The following POLR1A variants were observed in gnomAD, a reference collection of about 807,000 sequenced individuals.
The protein encoded by POLR1A is DNA-directed RNA polymerase I subunit RPA1.
In POLR1A, 84 loss-of-function variants were observed where a neutral mutation model predicts 205.3. The observed-to-expected ratio is 0.41, with a 90% CI of 0.34 to 0.49. POLR1A has a LOEUF of 0.49. Ranked by LOEUF, POLR1A falls within the 20% of genes least tolerant of loss-of-function variation. POLR1A has a pLI of 0.22. For synonymous variants in POLR1A, 799 were observed against 863.7 expected (o/e 0.93, Z 1.31); for missense variants, 1,645 against 2,204.5 (o/e 0.75, Z 5.08).
intron 21 of POLR1A, 68 bp from the exon 22 acceptor site, chr2:86,044,372 T>C (rs774503525): frequency 6.4e-6 from 10 of 1,557,262 alleles, no homozygotes; most frequent in African/African-American, 5.4e-5. Context: ...CTGATGAGGG[T>C]TGGGGGCAGT....
rs373695623 is a variant in POLR1A, at chr2:86,103,602, C to T, written c.77+2098G>A. On this transcript the variant is annotated intron_variant, in intron 1 of 33. Transcript: ENST00000263857. Reference sequence around the variant, plus strand: ...TGGATGAAATCGTATCCACTTATGGCAGTGATGATATAATTGGAATTTCTG... The same window carrying T: ...TGGATGAAATCGTATCCACTTATGGTAGTGATGATATAATTGGAATTTCTG... Among the ~76,000 whole-genome samples, 19 of 152,300 alleles carry T rather than the reference C, an allele frequency of 1.2e-4. No homozygotes were observed. The South Asian group carries it at 3.5e-3, about 28-fold the overall frequency.
chr2:86,061,382 G>T (rs1429637259), intron 14 of POLR1A, among the ~76,000 whole-genome samples: 2 of 152,220 alleles, frequency 1.3e-5, no homozygotes, highest in African/African-American at 4.8e-5. Context: ...GGGAGGCAGA[G>T]GTTGCAGTGA....
chr2:86,089,863 C>T lies in POLR1A; in HGVS notation c.499G>A (p.Glu167Lys). The T allele has an allele frequency of 6.2e-7, 1 of 1,613,072 alleles. No individual in the cohort carries two copies. The highest frequency in any genetic ancestry group is 8.5e-7 in the Non-Finnish European group (1 of 1,178,986). ...CCCAGGAGGTTGTTCTGCACAATTT[C>T]AGTTGTGTATTGTTCTAATTCCTCC... Reference protein sequence around the residue: ...IREELEQYTTEIVQNNLLGSQ... With the variant: ...IREELEQYTTKIVQNNLLGSQ... Residue 167 changes from glutamate to lysine, a missense_variant, in exon 4 of 34, where the codon GAA (glutamate) becomes AAA (lysine). Glu to Lys is a moderately conservative substitution (Grantham distance 56). Around this residue, in one of 16 missense-constraint regions of POLR1A, gnomAD observed 330 missense variants for 375.6 expected, o/e 0.88. Transcript: ENST00000263857.
intron 16 of POLR1A, among the ~76,000 whole-genome samples, chr2:86,050,108 G>A (rs764071219): frequency 4.6e-5 from 7 of 152,028 alleles, no homozygotes; most frequent in Non-Finnish European, 8.8e-5. Flanking sequence ...AGTACAGACA[G>A]GGTTTCACCA....
intron 31 of POLR1A, among the ~76,000 whole-genome samples, chr2:86,029,086 C>A (rs1558760503): frequency 1.3e-5 from 2 of 152,366 alleles, no homozygotes; most frequent in South Asian, 2.1e-4. Context: ...TTACACACCC[C>A]TCCAGGGTGC....
intron 14 of POLR1A, among the ~76,000 whole-genome samples, chr2:86,057,735 A>C (rs1221363840): frequency 6.6e-6 from 1 of 152,228 alleles, no homozygotes; most frequent in Non-Finnish European, 1.5e-5. Context: ...CTTATATGAA[A>C]TGTCCAAAAC....
intron 12 of POLR1A, among the ~76,000 whole-genome samples, chr2:86,071,225 T>TGCGTGTGCGCGCGC (rs1386802116): frequency 4.1e-3 from 33 of 7,974 alleles, no homozygotes; most frequent in African/African-American, 9.7e-3. Context: ...TCTCTCCGTG[T>TGCGTGTGCGCGCGC]GCATGTGTGT....
At chr2:86,097,117 T>C (rs1356527742) in intron 3 of POLR1A, among the ~76,000 whole-genome samples, 1 of 147,640 alleles carries the variant, frequency 6.8e-6, no homozygotes, top group Non-Finnish European at 1.5e-5. Flanking sequence ...TATGAAAAAA[T>C]GTTCAACATC....
At chr2:86,043,775 C>T (rs1033069730) in intron 22 of POLR1A, among the ~76,000 whole-genome samples, 2 of 152,182 alleles carry the variant, frequency 1.3e-5, no homozygotes, top group African/African-American at 4.8e-5. Flanking sequence ...TGCTTTGATA[C>T]TCAGTTGCCT....
At chr2:86,069,711 A>G (rs1373552050) in intron 13 of POLR1A, among the ~76,000 whole-genome samples, 2 of 152,252 alleles carry the variant, frequency 1.3e-5, no homozygotes, top group East Asian at 3.8e-4. Flanking sequence ...GGGGCTACTA[A>G]GTTGCAGAAT....
rs187496048 is a variant in POLR1A at position 86,050,655 on chromosome 2, A to G, written c.2393-1413T>C. 3.6e-4 allele frequency among the ~76,000 whole-genome samples: 55 copies of G among 152,284 alleles called. No homozygotes were observed. In the East Asian group the frequency reaches 9.1e-3, roughly 25 times the overall value. On this transcript the variant is annotated intron_variant, in intron 16 of 33. Coordinates refer to ENST00000263857, the MANE Select transcript of POLR1A (RefSeq NM_015425.6). ...GCACTAAGCAGAGCTAAAGCCTGGC[A>G]CCTTTGTTAAGTTTGTTCCTCATCA... is the stretch of plus-strand genomic sequence containing the variant.
chr2:86,077,809 GCGCACACACACACACACACACACACA>G lies in POLR1A; in HGVS notation c.1380+24_1380+49del, dbSNP rs1358160122. The G allele has an allele frequency of 1.7e-4, 227 of 1,302,404 alleles. 1 individual carries two copies. The highest frequency in any genetic ancestry group is 1.0e-3 in the South Asian group (85 of 81,422). The allele number at this position is 1,302,404 out of a possible 1,614,324, so 80.7% of individuals were successfully genotyped here. A position where few individuals can be genotyped will look rare whatever the true frequency, so the allele number is the denominator to read the frequency against. On this transcript the variant is annotated intron_variant, in intron 11 of 33. Transcript: ENST00000263857. ...GAGCAAATGAGCCCTGCACGCGCGC[GCGCACACACACACACACACACACACA>G]CACACACACACACACACACACACCA...
intron 33 of POLR1A, 27 bp from the exon 34 acceptor site, chr2:86,027,550 A>G (rs1672291486): frequency 6.3e-7 from 1 of 1,574,912 alleles, no homozygotes. Flanking sequence ...AACATGTGTC[A>G]GGGTGTTGAG....
intron 27 of POLR1A, among the ~76,000 whole-genome samples, chr2:86,037,954 G>C (rs1672529286): frequency 6.6e-6 from 1 of 152,178 alleles, no homozygotes; most frequent in East Asian, 1.9e-4. Context: ...CTGCTTCACT[G>C]GCCTGTCACC....
chr2:86,079,709 T>C (rs1673361678), intron 9 of POLR1A, among the ~76,000 whole-genome samples: 1 of 152,070 alleles, frequency 6.6e-6, no homozygotes, highest in Non-Finnish European at 1.5e-5. Context: ...ACCATAGGCA[T>C]GAACCACCAT....
In POLR1A at chr2:86,037,598, T is replaced by C. The variant is rs139390940; in HGVS notation, c.4034+1102A>G. The stretch of plus-strand genomic sequence containing the variant: ...TCTGCTTCTGCTCTGTCATTGCTTC[T>C]CTATCTGAGCAGCTCCCAGAAGACC... On this transcript the variant is annotated intron_variant, in intron 27 of 33. Transcript: ENST00000263857. Among the ~76,000 whole-genome samples, 115 of 152,376 alleles carry C rather than the reference T, an allele frequency of 7.5e-4. 1 individual carries two copies. Among genetic ancestry groups the C allele is most frequent in the African/African-American group, 2.6e-3 (110 of 41,594 alleles).
chr2:86,054,424 C>G (rs1451130610), intron 14 of POLR1A, 135 bp from the exon 15 acceptor site: 1 of 792,372 alleles, frequency 1.3e-6, no homozygotes, highest in Non-Finnish European at 2.0e-6. Flanking sequence ...TTCTGATGAT[C>G]TCAGGTATGG....
In POLR1A at chr2:86,074,927, G is replaced by A. The variant is rs1673252214; in HGVS notation, c.1611+103C>T. On this transcript the variant is annotated intron_variant, in intron 12 of 33. Transcript: ENST00000263857. ...GTCGGGGAGCTTCCTCCTAGGGATG[G>A]GCTCCTGTGTCAGTGCGCACCGGAG... 4 of 760,058 alleles carry A rather than the reference G, an allele frequency of 5.3e-6. No individual in the cohort carries two copies. In the Admixed American group the frequency reaches 1.1e-4, roughly 20 times the overall value. 47.1% of individuals were successfully genotyped at this position (760,058 alleles called of 1,614,324 possible). A position where few individuals can be genotyped will look rare whatever the true frequency, so the allele number is the denominator to read the frequency against.
chr2:86,046,708 G>A (rs1245083037), intron 19 of POLR1A, among the ~76,000 whole-genome samples: 1 of 151,990 alleles, frequency 6.6e-6, no homozygotes, highest in Non-Finnish European at 1.5e-5. Context: ...GCCAGGCATG[G>A]TGGCGCATGC....
Sources: allele counts gnomAD v4.1 joint callset (sites outside exome capture counted in the v4.1 genomes callset), GRCh38; gene constraint gnomAD v4.1.1; regional missense constraint gnomAD v4.1.1; transcripts MANE v1.5; gene names NCBI Gene and HGNC (gene_info 2026-07-23, HGNC 2026-07-21).